The following MYT1L variants were observed in gnomAD, a reference collection of about 807,000 sequenced individuals.
MYT1L encodes the protein myelin transcription factor 1-like protein.
MYT1L carries 12 observed loss-of-function variants against 126.7 expected under a neutral mutation model. That is an observed-to-expected ratio of 0.09 (90% confidence interval 0.06 to 0.15). MYT1L has a LOEUF of 0.15. Among genes scored for constraint, MYT1L ranks in the 10% least tolerant of loss-of-function variants. The pLI is 1.00. For missense variants in MYT1L, 979 were observed against 1,585.2 expected (o/e 0.62, Z 6.49); for synonymous variants, 541 against 604.2 (o/e 0.90, Z 1.53).
At chr2:2,310,804 G>C (rs938662241) in intron 1 of MYT1L, among the ~76,000 whole-genome samples, 3 of 152,000 alleles carry the variant, frequency 2.0e-5, no homozygotes, top group Admixed American at 6.6e-5. Context: ...ACCCACGGGC[G>C]GTTGTGACTC....
chr2:2,033,056 C>T (rs1448657521), intron 4 of MYT1L, among the ~76,000 whole-genome samples: 26 of 132,340 alleles, frequency 2.0e-4, no homozygotes, highest in Middle Eastern at 5.9e-3. Flanking sequence ...GCCTTACACA[C>T]ACCCCTCGCC....
chr2:2,300,742 C>A (rs144110789), intron 1 of MYT1L, among the ~76,000 whole-genome samples: 3 of 152,168 alleles, frequency 2.0e-5, no homozygotes, highest in Admixed American at 6.5e-5. Context: ...TGATTCTTAG[C>A]GGATTCATAG....
intron 9 of MYT1L, among the ~76,000 whole-genome samples, chr2:1,933,691 G>C (rs1263110442): frequency 3.9e-5 from 6 of 152,144 alleles, no homozygotes; most frequent in Non-Finnish European, 7.3e-5. Flanking sequence ...ACTGCACTGA[G>C]CTCAGTGGCA....
chr2:2,027,963 T>C (rs2065825598), intron 4 of MYT1L, among the ~76,000 whole-genome samples: 1 of 152,242 alleles, frequency 6.6e-6, no homozygotes, highest in African/African-American at 2.4e-5. Context: ...GTGTTATTAT[T>C]GTTTCTGCTT....
intron 2 of MYT1L, among the ~76,000 whole-genome samples, chr2:2,195,119 C>T: frequency 6.6e-6 from 1 of 152,222 alleles, no homozygotes; most frequent in Non-Finnish European, 1.5e-5. Flanking sequence ...ACATTGCATG[C>T]AGAGAGAAAT....
intron 4 of MYT1L, among the ~76,000 whole-genome samples, chr2:2,048,533 G>A (rs2068449909): frequency 6.6e-6 from 1 of 152,208 alleles, no homozygotes; most frequent in South Asian, 2.1e-4. Flanking sequence ...CTATAAGGCT[G>A]TGCCACACAC....
At chr2:2,141,089 G>T (rs909459323) in intron 3 of MYT1L, among the ~76,000 whole-genome samples, 1 of 152,158 alleles carries the variant, frequency 6.6e-6, no homozygotes, top group Non-Finnish European at 1.5e-5. Flanking sequence ...ATCCCATGGA[G>T]AAGTGTATGG....
intron 21 of MYT1L, among the ~76,000 whole-genome samples, chr2:1,832,563 C>T (rs978592726): frequency 6.6e-6 from 1 of 152,218 alleles, no homozygotes; most frequent in Non-Finnish European, 1.5e-5. Flanking sequence ...TCTGTCCTTC[C>T]TTTCATGTTG....
Position 1,889,485 on chromosome 2 carries a change from T to G in MYT1L, c.2284-8A>C, listed in dbSNP as rs368483828. On this transcript the variant is annotated splice_region_variant and splice_polypyrimidine_tract_variant and intron_variant, in intron 15 of 24. Coordinates refer to ENST00000647738, the MANE Select transcript of MYT1L (RefSeq NM_001303052.2). This position sits in a 1 kb window ranked among gnomAD's most constrained non-coding sequence, Gnocchi z 4.1. ...CACCTCCATGTCAGGGTTCTGTCGG[T>G]AGAAAGACATAGTGACTGTGCTTGG... is the stretch of plus-strand genomic sequence containing the variant. 1.3e-6 allele frequency: 2 copies of G among 1,582,958 alleles called. No individual in the cohort carries two copies. Among genetic ancestry groups the G allele is most frequent in the Non-Finnish European group, 1.7e-6 (2 of 1,161,662 alleles).
chr2:2,198,780 C>T (rs1293622279), intron 2 of MYT1L, among the ~76,000 whole-genome samples: 2 of 152,084 alleles, frequency 1.3e-5, no homozygotes, highest in Non-Finnish European at 2.9e-5. Context: ...ATCGCTTGAA[C>T]CCAGGAGGCA....
Position 1,809,303 on chromosome 2 carries a change from G to A in MYT1L, c.3081-136C>T. Reference sequence around the variant, plus strand: ...AAAGGCTGTCTGAAAATGAGAAAAAGCAAAAAGACCAATGCATACAGTATG... The same window carrying A: ...AAAGGCTGTCTGAAAATGAGAAAAAACAAAAAGACCAATGCATACAGTATG... On this transcript the variant is annotated intron_variant, in intron 21 of 24. Coordinates refer to ENST00000647738, the MANE Select transcript of MYT1L (RefSeq NM_001303052.2). The A allele has an allele frequency of 8.9e-6, 7 of 787,084 alleles. No individual in the cohort carries two copies. In the Admixed American group the frequency reaches 1.2e-4, roughly 13 times the overall value. 48.8% of individuals were successfully genotyped at this position (787,084 alleles called of 1,614,324 possible). A position where few individuals can be genotyped will look rare whatever the true frequency, so the allele number is the denominator to read the frequency against.
intron 8 of MYT1L, among the ~76,000 whole-genome samples, chr2:1,944,570 C>T (rs1051235251): frequency 6.6e-6 from 1 of 152,028 alleles, no homozygotes; most frequent in Non-Finnish European, 1.5e-5. Context: ...GGCTCCTGCA[C>T]ACCTTGACTA....
chr2:1,949,111 T>C (rs1050804067), intron 8 of MYT1L, among the ~76,000 whole-genome samples: 8 of 152,178 alleles, frequency 5.3e-5, no homozygotes, highest in African/African-American at 1.7e-4. Context: ...TTCCAGAGTG[T>C]GTCCATAACA....
At chr2:2,281,118 C>A (rs978511857) in intron 2 of MYT1L, among the ~76,000 whole-genome samples, 1 of 152,156 alleles carries the variant, frequency 6.6e-6, no homozygotes, top group Non-Finnish European at 1.5e-5. Context: ...GTGGTTACCC[C>A]ACACCGTTCT....
chr2:1,952,508 G>A (rs903310713), intron 8 of MYT1L, among the ~76,000 whole-genome samples: 12 of 151,938 alleles, frequency 7.9e-5, no homozygotes, highest in African/African-American at 2.4e-4. Flanking sequence ...TCCAGGAGAC[G>A]TGGTTCTCCG....
At chr2:2,104,359 A>G (rs1224015816) in intron 3 of MYT1L, among the ~76,000 whole-genome samples, 3 of 152,252 alleles carry the variant, frequency 2.0e-5, no homozygotes, top group Admixed American at 2.0e-4. Context: ...GAGTAATAGC[A>G]TGGTACTGCA....
At chr2:1,989,249 G>T (rs937425936) in intron 5 of MYT1L, among the ~76,000 whole-genome samples, 2 of 152,024 alleles carry the variant, frequency 1.3e-5, no homozygotes. Context: ...TTTTTAACAG[G>T]ATTTGGACTC....
chr2:2,224,919 G>A lies in MYT1L; in HGVS notation c.-420-51931C>T, dbSNP rs2093970431. Among the ~76,000 whole-genome samples the A allele has an allele frequency of 6.6e-6, 1 of 152,068 alleles. No homozygotes were observed. Among genetic ancestry groups the A allele is most frequent in the African/African-American group, 2.4e-5 (1 of 41,410 alleles). On this transcript the variant is annotated intron_variant, in intron 2 of 24. Transcript: ENST00000647738. This position sits in a 1 kb window ranked among gnomAD's most constrained non-coding sequence, Gnocchi z 4.0. ...TGTGTGCTGGGCAGTCATACGCTGG[G>A]TTTGAGCCTCATGCTTGTTTGCTGG...
chr2:2,321,930 C>A (rs570335459), intron 1 of MYT1L, among the ~76,000 whole-genome samples: 5 of 152,250 alleles, frequency 3.3e-5, no homozygotes, highest in African/African-American at 1.2e-4. Flanking sequence ...AATGAGTGCA[C>A]AAACACATCT....
Sources: allele counts gnomAD v4.1 joint callset (sites outside exome capture counted in the v4.1 genomes callset), GRCh38; gene constraint gnomAD v4.1.1; non-coding constraint Gnocchi (gnomAD v3.1); transcripts MANE v1.5; gene names NCBI Gene and HGNC (gene_info 2026-07-23, HGNC 2026-07-21).